The following NFATC2 variants were observed in gnomAD, a reference collection of about 807,000 sequenced individuals.
NFATC2 encodes nuclear factor of activated T-cells, cytoplasmic 2.
In NFATC2, 22 loss-of-function variants were observed where a neutral mutation model predicts 87.3. The observed-to-expected ratio is 0.25, with a 90% CI of 0.18 to 0.36. The LOEUF is 0.36. Ranked by LOEUF, NFATC2 falls within the 10% of genes least tolerant of loss-of-function variation. The pLI is 1.00. For missense variants in NFATC2, 1,149 were observed against 1,259.1 expected (o/e 0.91, Z 1.32); for synonymous variants, 565 against 542.2 (o/e 1.04, Z -0.58).
intron 5 of NFATC2, among the ~76,000 whole-genome samples, chr20:51,463,720 C>A (rs1183227832): frequency 6.6e-6 from 1 of 152,180 alleles, no homozygotes; most frequent in Admixed American, 6.5e-5. Flanking sequence ...GGCGCCCACA[C>A]CCTGCAAGGG....
intron 3 of NFATC2, among the ~76,000 whole-genome samples, chr20:51,507,560 A>G (rs1327207728): frequency 6.6e-6 from 1 of 152,192 alleles, no homozygotes; most frequent in African/African-American, 2.4e-5. Context: ...CATCCTAACT[A>G]TGCTCAACAA....
intron 3 of NFATC2, among the ~76,000 whole-genome samples, chr20:51,477,567 ATATATAT>A (rs1568667258): frequency 0.018 from 1,790 of 100,944 alleles, 41 homozygotes; most frequent in African/African-American, 0.055. Context: ...ATATATATAT[ATATATAT>A]ATATATAAAA....
At chr20:51,490,345 CG>C (rs1315940943) in intron 3 of NFATC2, among the ~76,000 whole-genome samples, 1 of 152,202 alleles carries the variant, frequency 6.6e-6, no homozygotes, top group Non-Finnish European at 1.5e-5. Flanking sequence ...GATTCCAACA[CG>C]GCAGGTCTAC....
rs1387504137 is a variant in NFATC2 at position 51,474,963 on chromosome 20, C to CTTTTTTTTTTTTTTTTTTTT, written c.1535+494_1535+495insAAAAAAAAAAAAAAAAAAAA. ...CACATGAAAATACTGACATATTATACTTTATTTATTTTTTTTTTTTTTTGA... is the reference window on the plus strand; with the variant it reads ...CACATGAAAATACTGACATATTATACTTTTTTTTTTTTTTTTTTTTTTTATTTATTTTTTTTTTTTTTTGA... On this transcript the variant is annotated intron_variant, in intron 4 of 10. Transcript: ENST00000371564. Among the ~76,000 whole-genome samples the CTTTTTTTTTTTTTTTTTTTT allele has an allele frequency of 1.4e-5, 2 of 147,162 alleles. 1 individual carries two copies.
intron 3 of NFATC2, among the ~76,000 whole-genome samples, chr20:51,486,896 T>C (rs1389323389): frequency 6.6e-6 from 1 of 152,010 alleles, no homozygotes; most frequent in Non-Finnish European, 1.5e-5. Flanking sequence ...ACCAGGCCAA[T>C]TACACTGAAA....
At chr20:51,547,166 G>A (rs945368032), upstream of NFATC2, among the ~76,000 whole-genome samples, 12 of 152,146 alleles carry the variant, frequency 7.9e-5, no homozygotes, top group Admixed American at 6.5e-4. Flanking sequence ...GAAATTGCAG[G>A]GGCAAGGGTT....
intron 6 of NFATC2, among the ~76,000 whole-genome samples, chr20:51,446,134 C>T (rs1272190983): frequency 1.3e-5 from 2 of 152,176 alleles, no homozygotes; most frequent in Non-Finnish European, 2.9e-5. Context: ...AGGAAGCAGA[C>T]CATGAGTTAC....
chr20:51,477,535 C>CTCTA (rs1400090340), intron 3 of NFATC2, among the ~76,000 whole-genome samples: 9 of 72,722 alleles, frequency 1.2e-4, no homozygotes, highest in African/African-American at 4.5e-4. Flanking sequence ...GTGTGTGTGT[C>CTCTA]TATATATATA....
At chr20:51,536,371 G>C (rs1161520390) in intron 1 of NFATC2, among the ~76,000 whole-genome samples, 4 of 152,114 alleles carry the variant, frequency 2.6e-5, no homozygotes, top group Admixed American at 6.5e-5. Context: ...TTCAAGGCCT[G>C]CCCTGCCACT....
At chr20:51,405,435 T>TCATCTCA (rs3029270) in intron 9 of NFATC2, among the ~76,000 whole-genome samples, 125,881 of 151,396 alleles carry the variant, frequency 0.83, 52,858 homozygotes, top group South Asian at 0.91. Flanking sequence ...CTCACACGTG[T>TCATCTCA]CATCTCACCG....
intron 6 of NFATC2, among the ~76,000 whole-genome samples, chr20:51,451,765 C>G (rs228837): frequency 0.69 from 104,138 of 152,024 alleles, 36,129 homozygotes; most frequent in East Asian, 0.94. Flanking sequence ...CTGCGCTTGC[C>G]AGGGATCTAG....
intron 3 of NFATC2, among the ~76,000 whole-genome samples, chr20:51,511,333 C>G (rs114048605): frequency 6.6e-6 from 1 of 152,126 alleles, no homozygotes; most frequent in South Asian, 2.1e-4. Context: ...TAGAGAGAGG[C>G]GCATTGTTAC....
At chr20:51,410,785 T>C (rs1979110717) in intron 9 of NFATC2, among the ~76,000 whole-genome samples, 1 of 152,186 alleles carries the variant, frequency 6.6e-6, no homozygotes, top group Non-Finnish European at 1.5e-5. Flanking sequence ...CAGAGAGGCC[T>C]TCCTTGATGA....
intron 3 of NFATC2, among the ~76,000 whole-genome samples, chr20:51,516,438 G>T (rs2076352691): frequency 6.6e-6 from 1 of 151,922 alleles, no homozygotes; most frequent in Non-Finnish European, 1.5e-5. Flanking sequence ...TTTTCTTAAT[G>T]AACTCTTCAT....
chr20:51,477,543 A>G (rs1446400032), intron 3 of NFATC2, among the ~76,000 whole-genome samples: 6 of 72,766 alleles, frequency 8.2e-5, no homozygotes, highest in Non-Finnish European at 1.2e-4. Flanking sequence ...GTCTATATAT[A>G]TATATATATA....
intron 9 of NFATC2, 48 bp from the exon 10 acceptor site, chr20:51,398,778 C>T: frequency 7.9e-7 from 1 of 1,272,800 alleles, no homozygotes; most frequent in South Asian, 1.2e-5. Flanking sequence ...AAAAAAATCA[C>T]CTTTGATCTC....
upstream of NFATC2, among the ~76,000 whole-genome samples, chr20:51,543,975 ATTTTTTTTTTTTT>A (rs11473264): frequency 6.4e-3 from 468 of 72,982 alleles, 2 homozygotes; most frequent in South Asian, 0.011. Context: ...AGAATTCCTA[ATTTTTTTTTTTTT>A]TTTTTTTTTT....
rs375398185 is a variant in NFATC2 at position 51,475,515 on chromosome 20, A to G, written c.1478T>C (p.Val493Ala). The change falls in exon 4 of 11, where the codon GTG (valine) becomes GCG (alanine). Residue 493 changes from valine (V) to alanine (A), a missense_variant. Coordinates refer to ENST00000371564, the MANE Select transcript of NFATC2 (RefSeq NM_012340.5). ...TATCTCCAGGACTTTGGTGTTGCCC[A>G]CTATCTTCTCATAGCTGGTGGTGGT... The part of the protein sequence containing the change: ...TVTTTSYEKI[V>A]GNTKVLEIPL... 7 of 1,613,906 alleles carry G rather than the reference A, an allele frequency of 4.3e-6. No individual in the cohort carries two copies. The African/African-American group carries it at 8.0e-5, about 18-fold the overall frequency.
In NFATC2 at chr20:51,435,586, T is replaced by C. The variant is rs1983439275; in HGVS notation, c.1905+120A>G. 3 of 1,088,524 alleles carry C rather than the reference T, an allele frequency of 2.8e-6. No homozygotes were observed. In the East Asian group the frequency reaches 7.8e-5, roughly 28 times the overall value. 67.4% of individuals were successfully genotyped at this position (1,088,524 alleles called of 1,614,324 possible). ...CACTCATTAATATGCACATATTGAG[T>C]ACCTGTTAGGTCCAGAGCTCTGGGG... On this transcript the variant is annotated intron_variant, in intron 7 of 10. Coordinates refer to ENST00000371564, the MANE Select transcript of NFATC2 (RefSeq NM_012340.5).
Sources: gnomAD v4.1 joint callset for allele counts (sites outside exome capture counted in the v4.1 genomes callset) on GRCh38, gnomAD v4.1.1 for gene constraint, MANE v1.5 for transcripts, NCBI Gene and HGNC (gene_info 2026-07-23, HGNC 2026-07-21) for gene names.